The following MAMDC2 variants were observed in gnomAD, a reference collection of about 807,000 sequenced individuals.
MAMDC2 encodes the protein MAM domain containing 2, also known as MAM domain-containing protein 2.
In MAMDC2, 57 loss-of-function variants were observed where a neutral mutation model predicts 89.8. The ratio of observed to expected loss-of-function variants is 0.63; its 90% confidence interval spans 0.51 to 0.79. The LOEUF (loss-of-function observed/expected upper bound fraction) is 0.79. Among genes scored for constraint, MAMDC2 ranks in the 30% least tolerant of loss-of-function variants. The pLI, the probability that MAMDC2 is intolerant of heterozygous loss-of-function variation, is 0.00. For synonymous variants in MAMDC2, 313 were observed against 293.4 expected (o/e 1.07, Z -0.68); for missense variants, 800 against 820.6 (o/e 0.97, Z 0.31).
chr9:70,198,626 A>T (rs1458399852), intron 11 of MAMDC2, among the ~76,000 whole-genome samples: 2 of 152,116 alleles, frequency 1.3e-5, no homozygotes, highest in Non-Finnish European at 2.9e-5. Context: ...CCAGAAAAGC[A>T]ACCCTGCAAC....
intron 12 of MAMDC2, among the ~76,000 whole-genome samples, chr9:70,224,982 C>T (rs561291780): frequency 6.6e-6 from 1 of 152,066 alleles, no homozygotes; most frequent in Non-Finnish European, 1.5e-5. Context: ...TTATAAACTA[C>T]TCCAATGAAG....
intron 5 of MAMDC2, among the ~76,000 whole-genome samples, chr9:70,120,590 A>C (rs1218385683): frequency 6.6e-6 from 1 of 152,186 alleles, no homozygotes; most frequent in Non-Finnish European, 1.5e-5. Flanking sequence ...ACAGGCTACA[A>C]GGGAGAGATG....
intron 11 of MAMDC2, among the ~76,000 whole-genome samples, chr9:70,207,051 C>T (rs570818216): frequency 1.9e-4 from 29 of 152,284 alleles, no homozygotes; most frequent in African/African-American, 6.7e-4. Flanking sequence ...TGGGTTGGTT[C>T]CAAGGCTTTG....
chr9:70,101,238 G>A (rs955675482), intron 2 of MAMDC2, among the ~76,000 whole-genome samples: 5 of 152,072 alleles, frequency 3.3e-5, no homozygotes, highest in African/African-American at 4.8e-5. Context: ...ATACAGTACC[G>A]TACAGTGTGT....
intron 2 of MAMDC2, among the ~76,000 whole-genome samples, chr9:70,068,040 C>T (rs2118066048): frequency 6.6e-6 from 1 of 152,332 alleles, no homozygotes; most frequent in Middle Eastern, 3.4e-3. Flanking sequence ...CTCAAATGAA[C>T]TCGTCTGAGC....
chr9:70,207,002 G>A (rs548766127), intron 11 of MAMDC2, among the ~76,000 whole-genome samples: 2 of 152,248 alleles, frequency 1.3e-5, no homozygotes, highest in African/African-American at 2.4e-5. Context: ...GTGTATATGT[G>A]CCACATTTTC....
At chr9:70,178,745 C>T (rs878997722) in intron 11 of MAMDC2, among the ~76,000 whole-genome samples, 1 of 151,990 alleles carries the variant, frequency 6.6e-6, no homozygotes, top group African/African-American at 2.4e-5. Context: ...AATAATTGCC[C>T]CAGAGTTATA....
chr9:70,205,375 A>G (rs547365545), intron 11 of MAMDC2, among the ~76,000 whole-genome samples: 4 of 152,288 alleles, frequency 2.6e-5, no homozygotes, highest in Admixed American at 6.5e-5. Flanking sequence ...AGTAAAGAGA[A>G]ATTTTAGAGC....
intron 5 of MAMDC2, among the ~76,000 whole-genome samples, chr9:70,115,375 GAC>G (rs2029926798): frequency 6.7e-6 from 1 of 149,870 alleles, no homozygotes; most frequent in Non-Finnish European, 1.5e-5. Context: ...TCTTTTTTGA[GAC>G]AGAGTCTTGC....
intron 2 of MAMDC2, among the ~76,000 whole-genome samples, chr9:70,090,373 A>G (rs1405564270): frequency 6.6e-6 from 1 of 151,548 alleles, no homozygotes; most frequent in Non-Finnish European, 1.5e-5. Context: ...AGCTACAGCT[A>G]CTTGGAAGGC....
chr9:70,155,111 A>C (rs974026919), intron 9 of MAMDC2, among the ~76,000 whole-genome samples: 4 of 151,964 alleles, frequency 2.6e-5, no homozygotes, highest in African/African-American at 9.7e-5. Context: ...GGTAGCTTTC[A>C]TCTTTACCCC....
chr9:70,161,260 T>C (rs2031958965), intron 9 of MAMDC2, among the ~76,000 whole-genome samples: 1 of 152,206 alleles, frequency 6.6e-6, no homozygotes. Flanking sequence ...TACAGGCCTG[T>C]ATTCTATCAC....
intron 2 of MAMDC2, chr9:70,062,832 A>C (rs1587436109): frequency 6.6e-6 from 1 of 152,210 alleles, no homozygotes; most frequent in East Asian, 1.9e-4. Flanking sequence ...ATCTACAAAA[A>C]CTTAGCAGTT....
chr9:70,046,649 A>G (rs1220343909), intron 2 of MAMDC2, among the ~76,000 whole-genome samples: 1 of 152,224 alleles, frequency 6.6e-6, no homozygotes, highest in East Asian at 1.9e-4. Flanking sequence ...CAGCAGTTAA[A>G]CCATCCCCCT....
At chr9:70,187,211 A>G (rs1488878759) in intron 11 of MAMDC2, among the ~76,000 whole-genome samples, 1 of 152,070 alleles carries the variant, frequency 6.6e-6, no homozygotes, top group African/African-American at 2.4e-5. Context: ...CTGAGACTCC[A>G]ATTATATGTA....
At chr9:70,170,676 A>T (rs768210775) in intron 11 of MAMDC2, 45 bp downstream of exon 11, 50 of 1,512,620 alleles carry the variant, frequency 3.3e-5, no homozygotes, top group Non-Finnish European at 4.2e-5. Context: ...AAGCTTCTAA[A>T]ATAGCATTCT....
At chr9:70,152,397 C>G (rs1442114333) in intron 9 of MAMDC2, among the ~76,000 whole-genome samples, 1 of 152,156 alleles carries the variant, frequency 6.6e-6, no homozygotes, top group Non-Finnish European at 1.5e-5. Flanking sequence ...TCCAGCACTT[C>G]ATTTGATGCC....
At chr9:70,122,190 G>C (rs1398698401) in intron 5 of MAMDC2, among the ~76,000 whole-genome samples, 2 of 152,194 alleles carry the variant, frequency 1.3e-5, no homozygotes, top group African/African-American at 4.8e-5. Context: ...TAGTCTGGTG[G>C]TTCTGTATGA....
At chr9:70,081,025 A>G (rs1244309599) in intron 2 of MAMDC2, among the ~76,000 whole-genome samples, 1 of 152,166 alleles carries the variant, frequency 6.6e-6, no homozygotes, top group Non-Finnish European at 1.5e-5. Context: ...TAGGCACTTA[A>G]TAATAAATGT....
Sources: allele counts gnomAD v4.1 joint callset (sites outside exome capture counted in the v4.1 genomes callset), GRCh38; gene constraint gnomAD v4.1.1; transcripts MANE v1.5; gene names NCBI Gene and HGNC (gene_info 2026-07-23, HGNC 2026-07-21).